Variants in RIMS4 observed in about 807,000 individuals in gnomAD.
The protein encoded by RIMS4 is regulating synaptic membrane exocytosis 4.
RIMS4 carries 9 observed loss-of-function variants against 29.0 expected under a neutral mutation model. The ratio of observed to expected loss-of-function variants is 0.31; its 90% CI spans 0.19 to 0.54. The LOEUF is 0.54. RIMS4 is among the 20% of genes least tolerant of loss of function. The pLI, the probability that RIMS4 is intolerant of heterozygous loss-of-function variation, is 0.94. For synonymous variants in RIMS4, 130 were observed against 152.9 expected (o/e 0.85, Z 1.10); for missense variants, 193 against 365.7 (o/e 0.53, Z 3.85).
chr20:44,799,310 A>AG, intron 1 of RIMS4, among the ~76,000 whole-genome samples: 2 of 152,040 alleles, frequency 1.3e-5, no homozygotes, highest in South Asian at 4.2e-4. Context: ...CTCAGAAAAA[A>AG]AAAAAATTAT....
chr20:44,791,467 T>C (rs770477112), intron 1 of RIMS4, among the ~76,000 whole-genome samples: 2 of 152,202 alleles, frequency 1.3e-5, no homozygotes, highest in Non-Finnish European at 2.9e-5. Context: ...GCTCCAAGGA[T>C]TGTATAAGGT....
chr20:44,800,450 G>T (rs974669806), intron 1 of RIMS4, among the ~76,000 whole-genome samples: 6 of 152,062 alleles, frequency 3.9e-5, no homozygotes, highest in African/African-American at 1.4e-4. Flanking sequence ...AGACAGGGGT[G>T]CCCAGGACAC....
chr20:44,809,318 C>T (rs560596915), intron 1 of RIMS4, among the ~76,000 whole-genome samples: 13 of 152,270 alleles, frequency 8.5e-5, no homozygotes, highest in Non-Finnish European at 1.8e-4. Flanking sequence ...AAATCCGGAG[C>T]TCTCATGTTC....
intron 2 of RIMS4, among the ~76,000 whole-genome samples, chr20:44,767,899 G>T (rs368019220): frequency 1.3e-5 from 2 of 152,206 alleles, no homozygotes; most frequent in African/African-American, 4.8e-5. Flanking sequence ...AACCAGCTGG[G>T]GGTCTCATTA....
At chr20:44,757,891 C>A in intron 3 of RIMS4, 120 bp from the exon 4 acceptor site, 2 of 1,017,190 alleles carry the variant, frequency 2.0e-6, no homozygotes, top group Non-Finnish European at 1.5e-6. Context: ...CAGAATAAGA[C>A]CAGAACCAAC....
intron 1 of RIMS4, among the ~76,000 whole-genome samples, chr20:44,788,239 T>C (rs940835193): frequency 3.3e-5 from 5 of 151,774 alleles, no homozygotes; most frequent in Non-Finnish European, 7.4e-5. Flanking sequence ...ACTTAAACTT[T>C]AAAAAAAAAT....
At chr20:44,803,263 GAA>G (rs2066284479) in intron 1 of RIMS4, among the ~76,000 whole-genome samples, 3 of 152,188 alleles carry the variant, frequency 2.0e-5, no homozygotes, top group African/African-American at 7.2e-5. Context: ...ACAAATACCA[GAA>G]AAGAAAACCT....
chr20:44,783,856 T>C (rs2057242), intron 1 of RIMS4, among the ~76,000 whole-genome samples: 15,649 of 152,154 alleles, frequency 0.1, 1,205 homozygotes, highest in African/African-American at 0.21. Flanking sequence ...TGCTCACGGG[T>C]ATAGGGTTGA....
chr20:44,767,458 AC>A (rs1355247424), intron 2 of RIMS4, among the ~76,000 whole-genome samples: 1 of 152,142 alleles, frequency 6.6e-6, no homozygotes, highest in Admixed American at 6.5e-5. Context: ...CAGGGGATCA[AC>A]CACAACTGGC....
intron 1 of RIMS4, among the ~76,000 whole-genome samples, chr20:44,782,879 G>T (rs1330280508): frequency 1.3e-5 from 2 of 152,158 alleles, no homozygotes; most frequent in Non-Finnish European, 1.5e-5. Context: ...ACACCAAATG[G>T]TTTGTTCCAA....
chr20:44,780,525 T>C (rs141105774), intron 1 of RIMS4, among the ~76,000 whole-genome samples: 1,960 of 152,302 alleles, frequency 0.013, 17 homozygotes, highest in Non-Finnish European at 0.021. Flanking sequence ...TCTTCCCACA[T>C]AAAGACAGGA....
At chr20:44,762,464 C>T (rs1369663372) in intron 2 of RIMS4, among the ~76,000 whole-genome samples, 1 of 152,122 alleles carries the variant, frequency 6.6e-6, no homozygotes, top group African/African-American at 2.4e-5. Flanking sequence ...TCACGGATTC[C>T]AGGCATGGAA....
At chr20:44,767,505 G>C (rs954919671) in intron 2 of RIMS4, among the ~76,000 whole-genome samples, 4 of 152,194 alleles carry the variant, frequency 2.6e-5, no homozygotes, top group African/African-American at 9.7e-5. Context: ...AGAGAGAGGG[G>C]CTCTGGGTCC....
rs2066033779 is a variant in RIMS4 at position 44,751,847 on chromosome 20, T to C, written c.*4287A>G. ...AACTTTAATTTCAACATGAGCTACATGGTCATGAACACAATGCAACGCGAC... is the reference window on the plus strand; with the variant it reads ...AACTTTAATTTCAACATGAGCTACACGGTCATGAACACAATGCAACGCGAC... On this transcript the variant is annotated 3_prime_UTR_variant, in exon 6 of 6. Coordinates refer to ENST00000372851, the MANE Select transcript of RIMS4 (RefSeq NM_182970.4). 6.6e-6 allele frequency: 1 copy of C among 152,164 alleles called. No individual in the cohort carries two copies. The highest frequency in any genetic ancestry group is 1.5e-5 in the Non-Finnish European group (1 of 68,038). 9.4% of individuals were successfully genotyped at this position (152,164 alleles called of 1,614,324 possible).
Position 44,810,504 on chromosome 20 carries a change from CGGCGGCGGCGGTGGCGGCGGCGGT to C in RIMS4, c.-257_-234del, listed in dbSNP as rs972584206. 6.9e-6 allele frequency among the ~76,000 whole-genome samples: 1 copy of C among 144,028 alleles called. No individual in the cohort carries two copies. Among genetic ancestry groups the C allele is most frequent in the African/African-American group, 2.5e-5 (1 of 40,036 alleles). The allele number at this position is 144,028 out of a possible 152,430, so 94.5% of individuals were successfully genotyped here. ...CGCGCTGTGCTGCTGGCGGCGGCGG[CGGCGGCGGCGGTGGCGGCGGCGGT>C]GGCGGCGCAGCGCGCTCTGGTCCGC... On this transcript the variant is annotated 5_prime_UTR_variant, in exon 1 of 6. Transcript: ENST00000372851.
At chr20:44,775,098 T>C (rs2066154091) in intron 1 of RIMS4, among the ~76,000 whole-genome samples, 1 of 152,142 alleles carries the variant, frequency 6.6e-6, no homozygotes, top group Admixed American at 6.5e-5. Context: ...AGACATCTAT[T>C]GAACACCCTT....
chr20:44,807,334 C>T (rs2066303195), intron 1 of RIMS4, among the ~76,000 whole-genome samples: 1 of 152,210 alleles, frequency 6.6e-6, no homozygotes, highest in South Asian at 2.1e-4. Context: ...CAGGAATGTG[C>T]TCTGCCCCAG....
At chr20:44,762,784 A>C (rs1388836420) in intron 2 of RIMS4, among the ~76,000 whole-genome samples, 1 of 152,180 alleles carries the variant, frequency 6.6e-6, no homozygotes, top group African/African-American at 2.4e-5. Context: ...TAGGCCAGAA[A>C]TCCAACTGCG....
chr20:44,758,533 G>T (rs1210167638), intron 2 of RIMS4, among the ~76,000 whole-genome samples: 1 of 152,202 alleles, frequency 6.6e-6, no homozygotes, highest in Non-Finnish European at 1.5e-5. Context: ...TCTGAGGGGT[G>T]CATTTCTTGC....
Sources: gnomAD v4.1 joint callset for allele counts (sites outside exome capture counted in the v4.1 genomes callset) on GRCh38, gnomAD v4.1.1 for gene constraint, MANE v1.5 for transcripts, NCBI Gene and HGNC (gene_info 2026-07-23, HGNC 2026-07-21) for gene names.